The following IFT74 variants were observed in gnomAD, a reference collection of about 807,000 sequenced individuals.
The protein encoded by IFT74 is intraflagellar transport protein 74 homolog.
In IFT74, 92 loss-of-function variants were observed where a neutral mutation model predicts 96.7. That is an observed-to-expected ratio of 0.95 (90% CI 0.80 to 1.13). The LOEUF is 1.13. Ranked by LOEUF, IFT74 falls within the 50% of genes most tolerant of loss-of-function variation. The pLI, the probability that IFT74 is intolerant of heterozygous loss-of-function variation, is 0.00. For synonymous variants in IFT74, 223 were observed against 213.2 expected, an observed-to-expected ratio of 1.05 and a Z score of -0.40; for missense variants, 811 against 698.2, an observed-to-expected ratio of 1.16 and a Z score of -1.82.
Position 27,017,373 on chromosome 9 carries a change from C to CA in IFT74, c.933+325dup, listed in dbSNP as rs536587818. Among the ~76,000 whole-genome samples, 3 of 152,160 alleles carry CA rather than the reference C, an allele frequency of 2.0e-5. No individual in the cohort carries two copies. The South Asian group carries it at 6.2e-4, about 32-fold the overall frequency. ...AGTAGCTGGGACTGCAGGCATGTGCCAACACACCAATTTTTTATTTTTATT... is the reference window on the plus strand; with the variant it reads ...AGTAGCTGGGACTGCAGGCATGTGCCAAACACACCAATTTTTTATTTTTATT... On this transcript the variant is annotated intron_variant, in intron 11 of 19. Coordinates refer to ENST00000380062, the MANE Select transcript of IFT74 (RefSeq NM_025103.4).
intron 10 of IFT74, 137 bp downstream of exon 10, chr9:27,012,105 A>G: frequency 1.9e-6 from 1 of 515,478 alleles, no homozygotes; most frequent in Non-Finnish European, 3.4e-6. Flanking sequence ...TTTTCTTCCT[A>G]TTCTGGACCC....
chr9:27,007,756 A>G (rs1406522571), intron 8 of IFT74, among the ~76,000 whole-genome samples: 1 of 152,238 alleles, frequency 6.6e-6, no homozygotes, highest in African/African-American at 2.4e-5. Flanking sequence ...AGAAGTTGGT[A>G]TCTATGAGCG....
chr9:27,058,374 C>T (rs1178803847), intron 18 of IFT74, among the ~76,000 whole-genome samples: 1 of 152,188 alleles, frequency 6.6e-6, no homozygotes, highest in East Asian at 1.9e-4. Context: ...CAGGCATGAG[C>T]CACTGTGCTT....
At chr9:26,991,327 G>A (rs1398109079) in intron 8 of IFT74, among the ~76,000 whole-genome samples, 1 of 152,090 alleles carries the variant, frequency 6.6e-6, no homozygotes, top group Admixed American at 6.5e-5. Flanking sequence ...GGGTTCAAGC[G>A]ATGTTGCCTC....
Position 27,063,971 on chromosome 9 carries a change from G to A in IFT74, c.*1235G>A, listed in dbSNP as rs545191419. Among the ~76,000 whole-genome samples, 2 of 152,018 alleles carry A rather than the reference G, an allele frequency of 1.3e-5. No homozygotes were observed. The highest frequency in any genetic ancestry group is 3.8e-4 in the East Asian group (2 of 5,196). On this transcript the variant is annotated 3_prime_UTR_variant, in exon 20 of 20. Transcript: ENST00000380062. ...TATTAATAGTGTTATGCCTCCAAAG[G>A]ATTCATGGTCAAAGAAGTTTGGGAA...
intron 8 of IFT74, chr9:26,997,947 A>G (rs138142690): frequency 1.2e-4 from 188 of 1,613,928 alleles, no homozygotes; most frequent in African/African-American, 1.1e-3. Context: ...CAGAGATATA[A>G]CTGTTTTAGT....
At chr9:27,057,571 C>T (rs573993831) in intron 18 of IFT74, among the ~76,000 whole-genome samples, 155 of 152,244 alleles carry the variant, frequency 1.0e-3, no homozygotes, top group African/African-American at 3.4e-3. Context: ...AAAATTCCCT[C>T]TTTTGGCCAG....
At chr9:27,034,606 G>A (rs867603704) in intron 13 of IFT74, among the ~76,000 whole-genome samples, 25 of 152,018 alleles carry the variant, frequency 1.6e-4, no homozygotes, top group African/African-American at 3.9e-4. Context: ...TTGACTTACC[G>A]CAACCTCCAC....
At chr9:26,967,219 C>A (rs1403906013) in intron 2 of IFT74, among the ~76,000 whole-genome samples, 3 of 151,964 alleles carry the variant, frequency 2.0e-5, no homozygotes, top group African/African-American at 7.2e-5. Context: ...GTTGATTCTT[C>A]CAATCCATGA....
chr9:26,976,765 T>C (rs1827145576), intron 2 of IFT74: 1 of 455,982 alleles, frequency 2.2e-6, no homozygotes, highest in South Asian at 1.5e-5. Context: ...CTCACATCTT[T>C]TATATCTTCT....
intron 8 of IFT74, 49 bp downstream of exon 8, chr9:26,990,244 G>C (rs750612076): frequency 2.1e-6 from 2 of 935,542 alleles, no homozygotes; most frequent in Non-Finnish European, 3.0e-6. Flanking sequence ...GCTTTATTAG[G>C]TAGTTTAAGT....
At chr9:26,982,435 CTTGGCTAATTTTTGTATTT>C (rs1392296310) in intron 4 of IFT74, 2 of 388,338 alleles carry the variant, frequency 5.2e-6, no homozygotes, top group African/African-American at 4.6e-5. Context: ...TGCCACCACA[CTTGGCTAATTTTTGTATTT>C]TTTTTTTTTT....
At position 27,061,335 on chromosome 9, in the gene IFT74, A is replaced by G. The variant is rs374461172; in HGVS notation, c.1684+684A>G. Among the ~76,000 whole-genome samples the G allele has an allele frequency of 1.9e-3, 297 of 152,334 alleles. 2 individuals carry two copies. The highest frequency in any genetic ancestry group is 6.8e-3 in the African/African-American group (282 of 41,580). The stretch of plus-strand genomic sequence containing the variant: ...CTGCTTGTAAGTTACAAACTGGACA[A>G]TTTAATCTGTTCAAGCTAGAACTGT... On this transcript the variant is annotated intron_variant, in intron 19 of 19. Coordinates refer to ENST00000380062, the MANE Select transcript of IFT74 (RefSeq NM_025103.4).
chr9:26,983,976 G>T (rs1033960433), intron 4 of IFT74: 7 of 222,122 alleles, frequency 3.2e-5, no homozygotes, highest in East Asian at 1.6e-4. Context: ...TAGAGATGGG[G>T]TTTCACCATG....
intron 10 of IFT74, among the ~76,000 whole-genome samples, chr9:27,015,779 A>C (rs1829308566): frequency 6.6e-6 from 1 of 152,190 alleles, no homozygotes; most frequent in Admixed American, 6.6e-5. Flanking sequence ...TAGTTTTCTC[A>C]TCTGTAAAAT....
chr9:27,064,976 T>C lies in IFT74; in HGVS notation c.*2240T>C, dbSNP rs1323640519. 6.6e-6 allele frequency among the ~76,000 whole-genome samples: 1 copy of C among 152,158 alleles called. No individual in the cohort carries two copies. Among genetic ancestry groups the C allele is most frequent in the East Asian group, 1.9e-4 (1 of 5,202 alleles). ...ATAAAGTACTATATGCAGTTACTAC[T>C]TTAACTGACAGAAAGGATGTAGTAA... On this transcript the variant is annotated 3_prime_UTR_variant, in exon 20 of 20. Transcript: ENST00000380062.
intron 12 of IFT74, among the ~76,000 whole-genome samples, chr9:27,020,947 C>T (rs924911416): frequency 2.6e-5 from 4 of 152,116 alleles, no homozygotes; most frequent in Non-Finnish European, 5.9e-5. Flanking sequence ...ACCAAGTCCC[C>T]GGAGTCCATT....
intron 10 of IFT74, among the ~76,000 whole-genome samples, chr9:27,014,892 C>T (rs1829270611): frequency 6.6e-6 from 1 of 152,244 alleles, no homozygotes; most frequent in Non-Finnish European, 1.5e-5. Flanking sequence ...CAGGCGTGAG[C>T]TATCACGCCC....
rs7390085 is a variant in IFT74, at chr9:27,028,949, A to G, written c.975-76A>G. The G allele has an allele frequency of 0.1, 132,243 of 1,328,106 alleles. 7,547 individuals carry two copies. The highest frequency in any genetic ancestry group is 0.22 in the South Asian group (16,373 of 72,980). The allele number at this position is 1,328,106 out of a possible 1,614,324, so 82.3% of individuals were successfully genotyped here. On this transcript the variant is annotated intron_variant, in intron 12 of 19. Transcript: ENST00000380062. ...ATTGTTTATGCAACTTGGAAAAGAT[A>G]TCTAACCTCCCCATCAATTGTTTTT...
Sources: gnomAD v4.1 joint callset for allele counts (sites outside exome capture counted in the v4.1 genomes callset) on GRCh38, gnomAD v4.1.1 for gene constraint, MANE v1.5 for transcripts, NCBI Gene and HGNC (gene_info 2026-07-23, HGNC 2026-07-21) for gene names.